Variants in DNAH7 observed in about 807,000 individuals in gnomAD.
DNAH7 encodes the protein dynein axonemal heavy chain 7.
In DNAH7, 397 loss-of-function variants were observed where a neutral mutation model predicts 444.6. That is an observed-to-expected ratio of 0.89 (90% CI 0.82 to 0.97). The LOEUF (loss-of-function observed/expected upper bound fraction) is 0.97. Ranked by LOEUF, DNAH7 falls within the 50% of genes least tolerant of loss-of-function variation. The pLI is 0.00. For missense variants in DNAH7, 4,902 were observed against 4,800.8 expected (o/e 1.02, Z -0.62); for synonymous variants, 1,636 against 1,624.4 (o/e 1.01, Z -0.17).
chr2:195,900,687 A>G, intron 27 of DNAH7, 193 bp from the exon 28 acceptor site: 1 of 520,176 alleles, frequency 1.9e-6, no homozygotes, highest in Non-Finnish European at 3.4e-6. Flanking sequence ...TGGTTAACAA[A>G]TGCAAAATTT....
intron 19 of DNAH7, among the ~76,000 whole-genome samples, chr2:195,937,447 G>A (rs1689131014): frequency 1.3e-5 from 2 of 152,110 alleles, no homozygotes; most frequent in South Asian, 4.1e-4. Context: ...GTCACTGTGA[G>A]CTGTTTGCTT....
intron 58 of DNAH7, among the ~76,000 whole-genome samples, chr2:195,781,976 T>TACAC (rs59244207): frequency 0.1 from 13,173 of 129,650 alleles, 775 homozygotes; most frequent in African/African-American, 0.14. Flanking sequence ...GTGGGTCTTA[T>TACAC]ACACACACAC....
intron 42 of DNAH7, among the ~76,000 whole-genome samples, chr2:195,860,319 T>A (rs1476422216): frequency 6.6e-6 from 1 of 151,932 alleles, no homozygotes; most frequent in Admixed American, 6.6e-5. Flanking sequence ...ATTTAATCAA[T>A]CTCCAAGAGC....
intron 46 of DNAH7, 25 bp from the exon 47 acceptor site, chr2:195,845,190 A>C (rs1698912254): frequency 1.9e-6 from 3 of 1,587,020 alleles, no homozygotes; most frequent in Non-Finnish European, 1.7e-6. Flanking sequence ...CAGAAAGATA[A>C]AGAAATGAGA....
intron 19 of DNAH7, among the ~76,000 whole-genome samples, chr2:195,944,104 C>G (rs1689644408): frequency 6.6e-6 from 1 of 152,130 alleles, no homozygotes; most frequent in East Asian, 1.9e-4. Flanking sequence ...TCTGACCAAG[C>G]ACTCTTTCCA....
chr2:195,927,611 G>A (rs958767288), intron 21 of DNAH7, among the ~76,000 whole-genome samples: 1 of 151,700 alleles, frequency 6.6e-6, no homozygotes, highest in Non-Finnish European at 1.5e-5. Context: ...GACACTGTGG[G>A]GAGAACAAGA....
intron 23 of DNAH7, among the ~76,000 whole-genome samples, chr2:195,923,182 G>A (rs923776457): frequency 1.3e-5 from 2 of 152,020 alleles, no homozygotes; most frequent in Non-Finnish European, 2.9e-5. Flanking sequence ...AAACTTTAAT[G>A]ACTAAATCAG....
chr2:195,808,852 G>A lies in DNAH7; in HGVS notation c.9913C>T (p.Leu3305=). The change falls in exon 53 of 65, where the codon CTG becomes TTG. Residue 3305 remains leucine, a synonymous_variant. Coordinates refer to ENST00000312428, the MANE Select transcript of DNAH7 (RefSeq NM_018897.3). ...TCCAGTCCAATGCCACCAGTTAGCA[G>A]AAATCTCCACTCAGCTTTATTAATC... ...RAINKAEWRF[L]LTGGIGLDNP... 1.9e-6 allele frequency: 3 copies of A among 1,613,568 alleles called. No homozygotes were observed. In the South Asian group the frequency reaches 3.3e-5, roughly 18 times the overall value.
At position 195,822,279 on chromosome 2, in the gene DNAH7, C is replaced by T. The variant is rs537320775; in HGVS notation, c.9291+1976G>A. ...CCATAGGCACAGTGGTAGCAAAATG[C>T]ATGTTTTGCAACTTTTACTTCACTG... On this transcript the variant is annotated intron_variant, in intron 49 of 64. Transcript: ENST00000312428. Among the ~76,000 whole-genome samples, 27 of 152,286 alleles carry T rather than the reference C, an allele frequency of 1.8e-4. 1 individual carries two copies. In the East Asian group the frequency reaches 2.9e-3, roughly 16 times the overall value.
At chr2:195,918,258 T>C (rs1240485922) in intron 24 of DNAH7, among the ~76,000 whole-genome samples, 1 of 152,212 alleles carries the variant, frequency 6.6e-6, no homozygotes, top group Non-Finnish European at 1.5e-5. Context: ...TCTATTAGAA[T>C]GACTAAAATC....
intron 51 of DNAH7, among the ~76,000 whole-genome samples, chr2:195,812,024 G>T (rs989632629): frequency 6.6e-6 from 1 of 152,086 alleles, no homozygotes; most frequent in African/African-American, 2.4e-5. Flanking sequence ...ACCTAAGATT[G>T]ACCTTTTGGG....
intron 19 of DNAH7, among the ~76,000 whole-genome samples, chr2:195,950,437 G>C (rs979635802): frequency 6.6e-6 from 1 of 152,150 alleles, no homozygotes; most frequent in Non-Finnish European, 1.5e-5. Context: ...TTGTATTTCT[G>C]TGGGGCCGGT....
chr2:196,000,565 G>C, intron 12 of DNAH7, 139 bp downstream of exon 12: 2 of 743,880 alleles, frequency 2.7e-6, no homozygotes, highest in Non-Finnish European at 4.0e-6. Context: ...GAAAATGGTA[G>C]TTTTTTAGGA....
chr2:195,856,337 T>A (rs1699704645), intron 44 of DNAH7, among the ~76,000 whole-genome samples: 1 of 152,184 alleles, frequency 6.6e-6, no homozygotes. Flanking sequence ...AAGTGAGGTA[T>A]CTTTTATCTT....
chr2:195,880,488 C>G (rs1207843120), intron 36 of DNAH7, among the ~76,000 whole-genome samples: 1 of 152,030 alleles, frequency 6.6e-6, no homozygotes, highest in Non-Finnish European at 1.5e-5. Context: ...GCCACCACAC[C>G]CGGCTACTTT....
chr2:195,976,784 A>AGAGAGAGAGAGAGG lies in DNAH7; in HGVS notation c.1834-4319_1834-4318insCCTCTCTCTCTCTC, dbSNP rs1271382845. On this transcript the variant is annotated intron_variant, in intron 15 of 64. Coordinates refer to ENST00000312428, the MANE Select transcript of DNAH7 (RefSeq NM_018897.3). The stretch of plus-strand genomic sequence containing the variant: ...GAGAGAGAGAGAGAGAGAGAGAGAG[A>AGAGAGAGAGAGAGG]GAGACTCTCTAATTATTTGGGAGAA... 3.2e-3 allele frequency among the ~76,000 whole-genome samples: 464 copies of AGAGAGAGAGAGAGG among 146,088 alleles called. 3 individuals carry two copies. Among genetic ancestry groups the AGAGAGAGAGAGAGG allele is most frequent in the Middle Eastern group, 0.014 (4 of 292 alleles).
At chr2:196,066,887 C>T (rs560369563) in intron 1 of DNAH7, among the ~76,000 whole-genome samples, 2 of 152,306 alleles carry the variant, frequency 1.3e-5, no homozygotes, top group South Asian at 2.1e-4. Flanking sequence ...TAAAAACTTT[C>T]ATCCTTCCAA....
intron 58 of DNAH7, among the ~76,000 whole-genome samples, chr2:195,778,483 A>T (rs1020129700): frequency 5.3e-5 from 8 of 150,906 alleles, no homozygotes; most frequent in African/African-American, 2.0e-4. Flanking sequence ...ACCAAAAAAA[A>T]AAAAGTAACC....
chr2:195,875,596 G>C, intron 38 of DNAH7, 79 bp downstream of exon 38: 1 of 1,365,998 alleles, frequency 7.3e-7, no homozygotes, highest in East Asian at 2.3e-5. Context: ...ACTCAAAAGA[G>C]GATTTTTTTC....
Sources: gnomAD v4.1 joint callset for allele counts (sites outside exome capture counted in the v4.1 genomes callset) on GRCh38, gnomAD v4.1.1 for gene constraint, MANE v1.5 for transcripts, NCBI Gene and HGNC (gene_info 2026-07-23, HGNC 2026-07-21) for gene names.